SMARCA2: variants seen among roughly 807,000 people sequenced by gnomAD.
SMARCA2 encodes the protein SWI/SNF-related matrix-associated actin-dependent regulator of chromatin subfamily A member 2.
A neutral mutation model predicts 199.8 loss-of-function variants in SMARCA2; 61 were observed. That is an observed-to-expected ratio of 0.31 (90% CI 0.25 to 0.38). The LOEUF (loss-of-function observed/expected upper bound fraction) is 0.38. SMARCA2 is among the 10% of genes least tolerant of loss of function. The pLI is 1.00. For missense variants in SMARCA2, 1,344 were observed against 2,012.2 expected, an observed-to-expected ratio of 0.67 and a Z score of 6.35; for synonymous variants, 935 against 732.0, an observed-to-expected ratio of 1.28 and a Z score of -4.48.
intron 1 of SMARCA2, among the ~76,000 whole-genome samples, chr9:2,023,411 A>G (rs2130142678): frequency 6.6e-6 from 1 of 152,324 alleles, no homozygotes; most frequent in Non-Finnish European, 1.5e-5. Flanking sequence ...TAATCTAACA[A>G]CTTTTAAAAA....
intron 22 of SMARCA2, among the ~76,000 whole-genome samples, chr9:2,102,646 C>G (rs1433392528): frequency 3.3e-5 from 5 of 152,124 alleles, no homozygotes; most frequent in Non-Finnish European, 7.4e-5. Flanking sequence ...CTGCTTTAGC[C>G]TTTCTCCATA....
chr9:2,047,254 G>C lies in SMARCA2; in HGVS notation c.816G>C (p.Pro272=). 3 of 1,008,514 alleles carry C rather than the reference G, an allele frequency of 3.0e-6. No individual in the cohort carries two copies. Among genetic ancestry groups the C allele is most frequent in the Non-Finnish European group, 3.5e-6 (3 of 845,826 alleles). 62.5% of individuals were successfully genotyped at this position (1,008,514 alleles called of 1,614,324 possible). A position where few individuals can be genotyped will look rare whatever the true frequency, so the allele number is the denominator to read the frequency against. The change falls in exon 5 of 34, where the codon CCG becomes CCC. Residue 272 remains proline (P), a synonymous_variant. Coordinates refer to ENST00000349721, the MANE Select transcript of SMARCA2 (RefSeq NM_003070.5). Reference sequence around the variant, plus strand: ...GCCCGGGGCCGGAGCTGAGCGGCCCGAGCACCCCGCAGAAGCTGCCGGTGC... The same window carrying C: ...GCCCGGGGCCGGAGCTGAGCGGCCCCAGCACCCCGCAGAAGCTGCCGGTGC... The part of the protein sequence containing the change: ...PSGPGPELSG[P]STPQKLPVPA...
intron 5 of SMARCA2, among the ~76,000 whole-genome samples, chr9:2,054,037 T>A (rs1820240254): frequency 6.6e-6 from 1 of 152,202 alleles, no homozygotes; most frequent in South Asian, 2.1e-4. Flanking sequence ...AGGAAGTGGT[T>A]GTGGCTGGCA....
chr9:2,077,917 T>C (rs1056215894), intron 14 of SMARCA2, 141 bp downstream of exon 14: 19 of 713,962 alleles, frequency 2.7e-5, no homozygotes, highest in African/African-American at 2.5e-4. Context: ...TTCCTTTCAT[T>C]GTGCCTATGA....
chr9:2,160,162 G>T, intron 27 of SMARCA2: 2 of 467,150 alleles, frequency 4.3e-6, no homozygotes, highest in East Asian at 3.4e-5. Context: ...TAGCTGTATA[G>T]TGGGTGTCCT....
At chr9:2,031,284 T>C (rs1442015702) in intron 2 of SMARCA2, among the ~76,000 whole-genome samples, 1 of 152,238 alleles carries the variant, frequency 6.6e-6, no homozygotes, top group Non-Finnish European at 1.5e-5. Flanking sequence ...TCGTTTTCCA[T>C]GTCATATTTT....
At chr9:2,088,879 A>ATTTTTTTTTTTTTTT (rs375056248) in intron 19 of SMARCA2, among the ~76,000 whole-genome samples, 9 of 137,970 alleles carry the variant, frequency 6.5e-5, no homozygotes, top group East Asian at 6.2e-4. Flanking sequence ...TTAATTTTAG[A>ATTTTTTTTTTTTTTT]TTTTTTTTTT....
intron 29 of SMARCA2, among the ~76,000 whole-genome samples, chr9:2,180,782 A>G (rs913095554): frequency 3.3e-5 from 5 of 152,346 alleles, no homozygotes; most frequent in African/African-American, 1.2e-4. Context: ...GTGTTTGAAA[A>G]TTACAAAAAT....
At chr9:2,061,731 G>T (rs562023879) in intron 9 of SMARCA2, among the ~76,000 whole-genome samples, 3 of 152,198 alleles carry the variant, frequency 2.0e-5, no homozygotes, top group Non-Finnish European at 4.4e-5. Context: ...ACATCAACTG[G>T]AAGTCAGAAT....
intron 21 of SMARCA2, 67 bp downstream of exon 21, chr9:2,097,538 A>C (rs1257600177): frequency 3.9e-5 from 39 of 997,006 alleles, no homozygotes; most frequent in Non-Finnish European, 5.3e-5. Context: ...AAAAAAAAAC[A>C]AACAAACAGG....
At position 2,181,249 on chromosome 9, in the gene SMARCA2, A is replaced by ATTT. The variant is rs201698611; in HGVS notation, c.4254-319_4254-317dup. The ATTT allele has an allele frequency of 7.2e-3, 1,488 of 207,474 alleles. 21 individuals carry two copies. The highest frequency in any genetic ancestry group is 0.034 in the African/African-American group (1,419 of 41,986). 12.9% of individuals were successfully genotyped at this position (207,474 alleles called of 1,614,324 possible). The stretch of plus-strand genomic sequence containing the variant: ...ATTTACCAATTCATTTAAAAATGAA[A>ATTT]TTTTTAGCTAACAAGGATATTTTAA... On this transcript the variant is annotated intron_variant, in intron 29 of 33. Coordinates refer to ENST00000349721, the MANE Select transcript of SMARCA2 (RefSeq NM_003070.5).
intron 18 of SMARCA2, 48 bp downstream of exon 18, chr9:2,087,119 A>G (rs1389117682): frequency 1.2e-6 from 2 of 1,609,236 alleles, no homozygotes; most frequent in Non-Finnish European, 8.5e-7. Context: ...ATGACATGAA[A>G]TGAAAGGCCC....
intron 18 of SMARCA2, chr9:2,087,331 C>T: frequency 2.2e-6 from 1 of 462,224 alleles, no homozygotes; most frequent in South Asian, 2.5e-5. Context: ...AAAAGGGTCC[C>T]AACCGGTGGA....
chr9:2,179,593 A>C (rs998141827), intron 29 of SMARCA2, among the ~76,000 whole-genome samples: 9 of 152,196 alleles, frequency 5.9e-5, no homozygotes, highest in Non-Finnish European at 1.3e-4. Context: ...TGTCATACCT[A>C]GATTGTTTTA....
intron 19 of SMARCA2, among the ~76,000 whole-genome samples, chr9:2,096,206 A>G (rs1453758377): frequency 4.6e-5 from 7 of 152,208 alleles, no homozygotes; most frequent in Non-Finnish European, 1.5e-5. Context: ...GAGATACCAC[A>G]TGTGACCATT....
chr9:2,154,882 G>T (rs562064997), intron 27 of SMARCA2, among the ~76,000 whole-genome samples: 16 of 152,182 alleles, frequency 1.1e-4, no homozygotes, highest in African/African-American at 3.9e-4. Context: ...CTTCTGAGGA[G>T]CCCTGCTCAA....
intron 1 of SMARCA2, 102 bp from the exon 2 acceptor site, chr9:2,028,885 G>A (rs1359151984): frequency 2.1e-6 from 2 of 973,326 alleles, no homozygotes; most frequent in East Asian, 5.2e-5. Context: ...TCTGTTTGAT[G>A]TTTGTTACAG....
In SMARCA2 at chr9:2,056,740, A is replaced by G. The variant is rs1233495751; in HGVS notation, c.1242A>G (p.Ala414=). 2.5e-6 allele frequency: 4 copies of G among 1,614,110 alleles called. No homozygotes were observed. The highest frequency in any genetic ancestry group is 3.3e-4 in the Middle Eastern group (2 of 6,084). Reference sequence around the variant, plus strand: ...TGGAGACGGCTCTCAACTCCAAAGCATACAAACGGAGCAAGCGCCAGACTC... The same window carrying G: ...TGGAGACGGCTCTCAACTCCAAAGCGTACAAACGGAGCAAGCGCCAGACTC... The part of the protein sequence containing the change: ...TTLETALNSK[A]YKRSKRQTLR... Residue 414 remains alanine (A), a synonymous_variant, in exon 7 of 34, where the codon GCA becomes GCG. Coordinates refer to ENST00000349721, the MANE Select transcript of SMARCA2 (RefSeq NM_003070.5). This position sits in a 1 kb window ranked among gnomAD's most constrained non-coding sequence, Gnocchi z 4.0.
rs1253063917 is a variant in SMARCA2 at position 2,170,545 on chromosome 9, A to G, written c.4253+73A>G. On this transcript the variant is annotated intron_variant, in intron 29 of 33. Transcript: ENST00000349721. The surrounding 1 kb of genome is among the most constrained non-coding windows in gnomAD (Gnocchi z 4.7). ...CGTTACGTGAAACAGATTGAATCAT[A>G]TAATCGGCCTTTGGAAGCAAATTTC... The G allele has an allele frequency of 7.5e-6, 12 of 1,609,778 alleles. No homozygotes were observed. The highest frequency in any genetic ancestry group is 8.5e-6 in the Non-Finnish European group (10 of 1,177,348).
Sources: gnomAD v4.1 joint callset for allele counts (sites outside exome capture counted in the v4.1 genomes callset) on GRCh38, gnomAD v4.1.1 for gene constraint, Gnocchi (gnomAD v3.1) non-coding constraint, MANE v1.5 for transcripts, NCBI Gene and HGNC (gene_info 2026-07-23, HGNC 2026-07-21) for gene names.